ERBB4: variants seen among roughly 807,000 people sequenced by gnomAD.
ERBB4 encodes the protein receptor tyrosine-protein kinase erbB-4.
ERBB4 carries 42 observed loss-of-function variants against 158.0 expected under a neutral mutation model. That is an observed-to-expected ratio of 0.27 (90% CI 0.21 to 0.34). ERBB4 has a LOEUF of 0.34. Ranked by LOEUF, ERBB4 falls within the 10% of genes least tolerant of loss-of-function variation. ERBB4 has a pLI of 1.00. For missense variants in ERBB4, 1,333 were observed against 1,624.1 expected, an observed-to-expected ratio of 0.82 and a Z score of 3.08; for synonymous variants, 583 against 558.7, an observed-to-expected ratio of 1.04 and a Z score of -0.61.
At chr2:212,232,950 A>G (rs764236719) in intron 1 of ERBB4, among the ~76,000 whole-genome samples, 5 of 152,216 alleles carry the variant, frequency 3.3e-5, no homozygotes, top group Non-Finnish European at 7.3e-5. Flanking sequence ...TTAAAAAGAA[A>G]TACTTACTGT....
At position 211,669,475 on chromosome 2, in the gene ERBB4, T is replaced by G. The variant is rs78768378; in HGVS notation, c.1716+3689A>C. Among the ~76,000 whole-genome samples the G allele has an allele frequency of 2.8e-3, 428 of 152,248 alleles. 10 individuals carry two copies. In the East Asian group the frequency reaches 0.045, roughly 16 times the overall value. On this transcript the variant is annotated intron_variant, in intron 14 of 27. Transcript: ENST00000342788. ...CCTAAGTTTTGGTCTCCTGAAACTG[T>G]CTGATTTCCCAGGCTTGTCTTTCTT...
chr2:211,754,101 C>G (rs572836818), intron 4 of ERBB4, among the ~76,000 whole-genome samples: 1 of 152,110 alleles, frequency 6.6e-6, no homozygotes, highest in East Asian at 2.0e-4. Flanking sequence ...ACCTCGTGAT[C>G]TGCCTGCCTC....
intron 19 of ERBB4, among the ~76,000 whole-genome samples, chr2:211,591,182 C>A (rs6746549): frequency 0.88 from 134,301 of 152,244 alleles, 59,454 homozygotes; most frequent in African/African-American, 0.95. Context: ...TCATTATTTA[C>A]TTATTAAAAT....
At chr2:211,698,938 C>T (rs2073128400) in intron 12 of ERBB4, among the ~76,000 whole-genome samples, 1 of 152,216 alleles carries the variant, frequency 6.6e-6, no homozygotes, top group Non-Finnish European at 1.5e-5. Context: ...CAATCTCAAT[C>T]TCTTCAAACC....
At chr2:212,194,291 T>TACACACACACACACACACACAC (rs5838307) in intron 1 of ERBB4, among the ~76,000 whole-genome samples, 2 of 148,728 alleles carry the variant, frequency 1.3e-5, no homozygotes, top group Admixed American at 6.8e-5. Flanking sequence ...AAATAGTTTA[T>TACACACACACACACACACACAC]ACACACACAC....
At chr2:211,724,347 T>TC (rs2074196986) in intron 6 of ERBB4, among the ~76,000 whole-genome samples, 1 of 148,648 alleles carries the variant, frequency 6.7e-6, no homozygotes, top group Non-Finnish European at 1.5e-5. Context: ...TAAGTGTCTT[T>TC]CTTTTTTTTT....
At chr2:212,229,812 AG>A (rs1397636133) in intron 1 of ERBB4, among the ~76,000 whole-genome samples, 1 of 152,182 alleles carries the variant, frequency 6.6e-6, no homozygotes, top group Non-Finnish European at 1.5e-5. Context: ...TAGAGGTGAG[AG>A]TCAAGGAATG....
intron 3 of ERBB4, among the ~76,000 whole-genome samples, chr2:211,924,101 C>A (rs2079950949): frequency 6.6e-6 from 1 of 152,248 alleles, no homozygotes; most frequent in African/African-American, 2.4e-5. Flanking sequence ...AAACCCCACA[C>A]TAGATTTCTA....
At chr2:211,981,672 G>A (rs952959264) in intron 2 of ERBB4, among the ~76,000 whole-genome samples, 1 of 152,090 alleles carries the variant, frequency 6.6e-6, no homozygotes, top group Non-Finnish European at 1.5e-5. Context: ...ATCACTTCTA[G>A]CAATTTTTCC....
At chr2:212,486,392 A>G (rs1478699005) in intron 1 of ERBB4, among the ~76,000 whole-genome samples, 1 of 152,150 alleles carries the variant, frequency 6.6e-6, no homozygotes, top group Non-Finnish European at 1.5e-5. Flanking sequence ...TTTCTCAAAT[A>G]AGGCGGGGGA....
intron 12 of ERBB4, among the ~76,000 whole-genome samples, chr2:211,690,123 A>T (rs943200342): frequency 6.6e-6 from 1 of 150,534 alleles, no homozygotes; most frequent in Non-Finnish European, 1.5e-5. Flanking sequence ...AAGTTAATAT[A>T]GAATATAGCA....
intron 1 of ERBB4, among the ~76,000 whole-genome samples, chr2:212,286,128 G>A (rs1486068124): frequency 6.6e-6 from 1 of 152,104 alleles, no homozygotes; most frequent in Non-Finnish European, 1.5e-5. Context: ...AGATTTCAAA[G>A]CAAGAGGTAC....
rs527293238 is a variant in ERBB4, at chr2:212,537,210, G to A, written c.82+1239C>T. Among the ~76,000 whole-genome samples the A allele has an allele frequency of 7.2e-5, 11 of 152,092 alleles. No homozygotes were observed. The East Asian group carries it at 2.1e-3, about 29-fold the overall frequency. On this transcript the variant is annotated intron_variant, in intron 1 of 27. Transcript: ENST00000342788. ...TGGTGAGGTCAGAAGGACACCCTCC[G>A]GGGGCCTAAAGCGCTCCCTATCGCC...
chr2:212,491,934 T>C (rs540719104), intron 1 of ERBB4, among the ~76,000 whole-genome samples: 1 of 151,624 alleles, frequency 6.6e-6, no homozygotes, highest in African/African-American at 2.4e-5. Flanking sequence ...ACAGACATTC[T>C]TTGTTGTACA....
At chr2:212,350,388 G>A (rs1400886253) in intron 1 of ERBB4, among the ~76,000 whole-genome samples, 2 of 152,022 alleles carry the variant, frequency 1.3e-5, no homozygotes, top group South Asian at 2.1e-4. Flanking sequence ...GTTTACTATG[G>A]AATAAATATT....
intron 1 of ERBB4, among the ~76,000 whole-genome samples, chr2:212,362,420 A>G (rs1053529492): frequency 4.3e-4 from 65 of 151,306 alleles, no homozygotes; most frequent in African/African-American, 1.5e-3. Flanking sequence ...TTTCTTAGCA[A>G]CTGCAAGCCC....
chr2:212,099,936 C>T (rs1177454626), intron 2 of ERBB4, among the ~76,000 whole-genome samples: 1 of 152,050 alleles, frequency 6.6e-6, no homozygotes, highest in Non-Finnish European at 1.5e-5. Flanking sequence ...ACACAGATAA[C>T]CACCTCTAGC....
At chr2:211,856,520 G>C (rs2106053361) in intron 3 of ERBB4, among the ~76,000 whole-genome samples, 1 of 151,892 alleles carries the variant, frequency 6.6e-6, no homozygotes, top group South Asian at 2.1e-4. Flanking sequence ...CGAGTAGCTG[G>C]GACTACAGGC....
At chr2:211,951,186 TC>T (rs759305719) in intron 2 of ERBB4, among the ~76,000 whole-genome samples, 235 of 152,200 alleles carry the variant, frequency 1.5e-3, no homozygotes, top group Non-Finnish European at 2.6e-3. Flanking sequence ...ACTCTTCTTA[TC>T]AAAAAGTGTA....
Sources: allele counts gnomAD v4.1 joint callset (sites outside exome capture counted in the v4.1 genomes callset), GRCh38; gene constraint gnomAD v4.1.1; transcripts MANE v1.5; gene names NCBI Gene and HGNC (gene_info 2026-07-23, HGNC 2026-07-21).